Variants in EYS observed in about 807,000 individuals in gnomAD.
The protein encoded by EYS is EGF-like photoreceptor maintenance factor.
A neutral mutation model predicts 282.1 loss-of-function variants in EYS; 250 were observed. The ratio of observed to expected loss-of-function variants is 0.89; its 90% confidence interval spans 0.80 to 0.98. The LOEUF (loss-of-function observed/expected upper bound fraction) is 0.98. EYS is among the 50% of genes least tolerant of loss of function. The pLI, the probability that EYS is intolerant of heterozygous loss-of-function variation, is 0.00. For missense variants in EYS, 4,016 were observed against 3,709.0 expected, an observed-to-expected ratio of 1.08 and a Z score of -2.15; for synonymous variants, 1,355 against 1,282.9, an observed-to-expected ratio of 1.06 and a Z score of -1.20.
At chr6:63,874,192 CAAT>C (rs1772897840) in intron 35 of EYS, among the ~76,000 whole-genome samples, 8 of 152,188 alleles carry the variant, frequency 5.3e-5, no homozygotes, top group South Asian at 4.1e-4. Context: ...GGAAGGAATC[CAAT>C]TTCAGCTTTC....
intron 24 of EYS, among the ~76,000 whole-genome samples, chr6:64,613,043 C>A (rs997438980): frequency 2.0e-5 from 3 of 152,042 alleles, no homozygotes; most frequent in African/African-American, 7.2e-5. Flanking sequence ...ATTAAAAATT[C>A]AATACAAACA....
At chr6:64,451,321 T>A (rs1775331030) in intron 26 of EYS, among the ~76,000 whole-genome samples, 2 of 152,184 alleles carry the variant, frequency 1.3e-5, no homozygotes, top group South Asian at 4.1e-4. Context: ...AGAAGTTGAA[T>A]CTCTGAATAG....
chr6:64,803,983 G>A (rs950976439), intron 22 of EYS, among the ~76,000 whole-genome samples: 2 of 152,164 alleles, frequency 1.3e-5, no homozygotes, highest in Non-Finnish European at 2.9e-5. Context: ...GGGAGGGTAG[G>A]GCTCTCACCC....
chr6:65,705,850 T>A (rs1045175248), intron 1 of EYS, among the ~76,000 whole-genome samples: 3 of 152,124 alleles, frequency 2.0e-5, no homozygotes, highest in Non-Finnish European at 4.4e-5. Flanking sequence ...GAATTATTTT[T>A]AAAAAATCTG....
At chr6:64,747,388 G>A (rs1043794103) in intron 22 of EYS, among the ~76,000 whole-genome samples, 5 of 151,990 alleles carry the variant, frequency 3.3e-5, no homozygotes, top group Admixed American at 2.0e-4. Context: ...GTTTGTTTTT[G>A]TTTTGAGATG....
At chr6:65,404,186 C>T (rs534537447) in intron 6 of EYS, among the ~76,000 whole-genome samples, 1 of 152,058 alleles carries the variant, frequency 6.6e-6, no homozygotes, top group Non-Finnish European at 1.5e-5. Flanking sequence ...TAAAACCAGC[C>T]TCATTACATC....
chr6:64,029,393 T>A (rs181249135), intron 33 of EYS, among the ~76,000 whole-genome samples: 342 of 152,260 alleles, frequency 2.2e-3, no homozygotes, highest in African/African-American at 7.8e-3. Flanking sequence ...AAGGAAAAGA[T>A]CTCACTGTCT....
chr6:64,073,181 T>C (rs985531148), intron 32 of EYS, among the ~76,000 whole-genome samples: 19 of 151,998 alleles, frequency 1.3e-4, no homozygotes, highest in African/African-American at 4.3e-4. Flanking sequence ...TGCTATATAT[T>C]AACAGGTTTT....
At chr6:65,107,395 C>A (rs1041866400) in intron 12 of EYS, among the ~76,000 whole-genome samples, 1 of 134,714 alleles carries the variant, frequency 7.4e-6, no homozygotes, top group Admixed American at 7.3e-5. Context: ...TGTTATATAA[C>A]ACCTACAATA....
intron 12 of EYS, among the ~76,000 whole-genome samples, chr6:65,091,537 G>GA (rs1774567316): frequency 6.6e-6 from 1 of 151,790 alleles, no homozygotes; most frequent in African/African-American, 2.4e-5. Context: ...ATTTTGTTAC[G>GA]ATTAAAAATA....
chr6:65,281,298 T>C (rs1768214355), intron 12 of EYS, among the ~76,000 whole-genome samples: 2 of 151,948 alleles, frequency 1.3e-5, no homozygotes, highest in South Asian at 4.1e-4. Flanking sequence ...ACTAGCAAAA[T>C]TAAAGATAAA....
chr6:65,474,150 A>G (rs1428744478), intron 5 of EYS, among the ~76,000 whole-genome samples: 2 of 152,106 alleles, frequency 1.3e-5, no homozygotes, highest in East Asian at 1.9e-4. Flanking sequence ...AGCAAAGCTG[A>G]TATAAGGTGA....
In EYS at chr6:64,763,443, G is replaced by A. The variant is rs143629040; in HGVS notation, c.3443+49935C>T. 4.3e-4 allele frequency among the ~76,000 whole-genome samples: 65 copies of A among 152,208 alleles called. 2 individuals are homozygous for A. The highest frequency in any genetic ancestry group is 1.6e-3 in the African/African-American group (65 of 41,512). On this transcript the variant is annotated intron_variant, in intron 22 of 42. Transcript: ENST00000503581. ...ACACTTTTAAATCATGAGATCTCAT[G>A]AGAACTCACTCACTATCATAAAAAC... is the stretch of plus-strand genomic sequence containing the variant.
chr6:65,601,211 A>G (rs1013222593), intron 2 of EYS, among the ~76,000 whole-genome samples: 1 of 151,974 alleles, frequency 6.6e-6, no homozygotes, highest in Admixed American at 6.6e-5. Context: ...TTAAGATTAA[A>G]TACATTAAGG....
chr6:64,001,575 T>C (rs1242612537), intron 33 of EYS, among the ~76,000 whole-genome samples: 1 of 152,156 alleles, frequency 6.6e-6, no homozygotes, highest in Non-Finnish European at 1.5e-5. Context: ...TTAGAAGACC[T>C]GCCCAAATGG....
In EYS at chr6:64,886,710, G is replaced by C; in HGVS notation, c.2979C>G (p.Ala993=). ...YRTDGYNCLC[A]PGYTGINCEI... ...ATATGGATTTACCTGTATAACCAGG[G>C]GCACAGAGGCAGTTGTATCCATCAG... Residue 993 remains alanine, a synonymous_variant, in exon 19 of 43, where the codon GCC becomes GCG. Transcript: ENST00000503581. The C allele has an allele frequency of 1.9e-6, 3 of 1,544,448 alleles. No homozygotes were observed. Among genetic ancestry groups the C allele is most frequent in the Non-Finnish European group, 2.6e-6 (3 of 1,143,368 alleles).
intron 5 of EYS, among the ~76,000 whole-genome samples, chr6:65,451,948 TTG>T (rs1360477280): frequency 2.6e-5 from 4 of 151,864 alleles, no homozygotes; most frequent in African/African-American, 9.7e-5. Flanking sequence ...ATCTTTTGCC[TTG>T]TTAAATGTTT....
intron 1 of EYS, among the ~76,000 whole-genome samples, chr6:65,688,180 C>A (rs534678132): frequency 2.6e-5 from 4 of 152,120 alleles, no homozygotes; most frequent in African/African-American, 9.7e-5. Context: ...TGACTTCAAA[C>A]TATACTACAA....
chr6:63,932,463 G>GT (rs1581992705), intron 35 of EYS, among the ~76,000 whole-genome samples: 1 of 152,118 alleles, frequency 6.6e-6, no homozygotes, highest in East Asian at 1.9e-4. Context: ...TCTAGCATTC[G>GT]TGTTACCTGG....
Sources: allele counts gnomAD v4.1 joint callset (sites outside exome capture counted in the v4.1 genomes callset), GRCh38; gene constraint gnomAD v4.1.1; transcripts MANE v1.5; gene names NCBI Gene and HGNC (gene_info 2026-07-23, HGNC 2026-07-21).